Variants in ACSBG2 observed in about 807,000 individuals in gnomAD.
The protein encoded by ACSBG2 is long-chain-fatty-acid--CoA ligase ACSBG2.
In ACSBG2, 62 loss-of-function variants were observed where a neutral mutation model predicts 74.7. The observed-to-expected ratio is 0.83, with a 90% CI of 0.68 to 1.03. The LOEUF (loss-of-function observed/expected upper bound fraction) is 1.03. ACSBG2 is among the 50% of genes least tolerant of loss of function. The probability of loss-of-function intolerance (pLI) is 0.00; values close to 1 mark genes in which losing one functional copy is unlikely to be tolerated. For missense variants in ACSBG2, 730 were observed against 817.6 expected (o/e 0.89, Z 1.31); for synonymous variants, 309 against 294.1 (o/e 1.05, Z -0.52).
chr19:6,156,430 G>A lies in ACSBG2; in HGVS notation c.387-1G>A. The A allele has an allele frequency of 6.3e-7, 1 of 1,589,568 alleles. No homozygotes were observed. ...CACACGAATTTGTTTTCTTTTCCCAGGGGTCTTTGTGTTGGTATTTATGCC... is the reference window on the plus strand; with the variant it reads ...CACACGAATTTGTTTTCTTTTCCCAAGGGTCTTTGTGTTGGTATTTATGCC... On this transcript the variant is annotated splice_acceptor_variant, in intron 4 of 14. Coordinates refer to ENST00000588485, the MANE Select transcript of ACSBG2 (RefSeq NM_030924.5). LOFTEE classifies it high-confidence loss of function.
intron 6 of ACSBG2, among the ~76,000 whole-genome samples, chr19:6,163,680 G>C (rs566672090): frequency 7.9e-4 from 120 of 151,602 alleles, no homozygotes; most frequent in African/African-American, 2.8e-3. Context: ...GGCAGAGGTT[G>C]CAGTGAGCCA....
At chr19:6,142,344 C>T (rs376853420) in intron 2 of ACSBG2, among the ~76,000 whole-genome samples, 21 of 152,276 alleles carry the variant, frequency 1.4e-4, no homozygotes, top group South Asian at 8.3e-4. Context: ...ACATCATAGA[C>T]AGCTCTGATA....
intron 11 of ACSBG2, among the ~76,000 whole-genome samples, chr19:6,186,495 G>A (rs2090412226): frequency 6.6e-6 from 1 of 152,138 alleles, no homozygotes; most frequent in African/African-American, 2.4e-5. Context: ...AAAATCTGAT[G>A]GAGAACACTT....
At chr19:6,185,685 T>C in intron 11 of ACSBG2, 32 bp downstream of exon 11, 2 of 1,610,774 alleles carry the variant, frequency 1.2e-6, no homozygotes, top group Non-Finnish European at 1.7e-6. Context: ...GGGAATCTCC[T>C]GCAAGCAGGC....
chr19:6,161,227 A>T lies in ACSBG2; in HGVS notation c.520A>T (p.Ser174Cys). The T allele has an allele frequency of 6.2e-7, 1 of 1,613,672 alleles. No homozygotes were observed. The highest frequency in any genetic ancestry group is 8.5e-7 in the Non-Finnish European group (1 of 1,179,636). Residue 174 changes from serine to cysteine, a missense_variant, in exon 6 of 15, where the codon AGC becomes TGC. By Grantham distance (112) the Ser-to-Cys change is moderately radical (BLOSUM62 -1). Coordinates refer to ENST00000588485, the MANE Select transcript of ACSBG2 (RefSeq NM_030924.5). ...AACTTTCTTTCAGATTCCACAGAGC[A>T]GCCTAGAGCCCCTAAAAGCGATCAT... ...LQKILSIPQS[S>C]LEPLKAIIQY...
In ACSBG2 at chr19:6,156,558, C is replaced by T; in HGVS notation, c.507+7C>T. 1 of 1,558,258 alleles carries T rather than the reference C, an allele frequency of 6.4e-7. No individual in the cohort carries two copies. The highest frequency in any genetic ancestry group is 8.7e-7 in the Non-Finnish European group (1 of 1,150,190). ...GTTACAGAAAATCCTTTCGGTAAAC[C>T]CCTACCCAGCACTGCCTGCCAAAGT... is the stretch of plus-strand genomic sequence containing the variant. On this transcript the variant is annotated splice_region_variant and intron_variant, in intron 5 of 14. Coordinates refer to ENST00000588485, the MANE Select transcript of ACSBG2 (RefSeq NM_030924.5).
chr19:6,138,469 G>A (rs4807837), intron 1 of ACSBG2, among the ~76,000 whole-genome samples: 75,439 of 134,866 alleles, frequency 0.56, 22,414 homozygotes, highest in Admixed American at 0.66. Context: ...GAAGAGAGAG[G>A]GAGAGAGAGA....
chr19:6,151,731 G>T lies in ACSBG2; in HGVS notation c.322G>T (p.Val108Phe). 6.2e-7 allele frequency: 1 copy of T among 1,602,696 alleles called. No individual in the cohort carries two copies. The highest frequency in any genetic ancestry group is 8.5e-7 in the Non-Finnish European group (1 of 1,174,368). Residue 108 changes from valine (V) to phenylalanine (F), a missense_variant, in exon 4 of 15, where the codon GTT (valine) becomes TTT (phenylalanine). Physicochemically the swap from Val to Phe is conservative, Grantham distance 50. Coordinates refer to ENST00000588485, the MANE Select transcript of ACSBG2 (RefSeq NM_030924.5). ...IKLGLERFHG[V>F]GILGFNSAEW... ...GCTGGGTTTGGAGCGTTTCCACGGA[G>T]TTGGTATCCTGGGGTTTAACTCTGC...
At chr19:6,184,040 C>T (rs937219233) in intron 10 of ACSBG2, among the ~76,000 whole-genome samples, 1 of 152,288 alleles carries the variant, frequency 6.6e-6, no homozygotes, top group East Asian at 1.9e-4. Context: ...TGGACTCAAG[C>T]AATCCTCAGC....
chr19:6,175,460 T>C (rs952407614), intron 7 of ACSBG2: 2 of 152,238 alleles, frequency 1.3e-5, no homozygotes, highest in African/African-American at 4.8e-5. Context: ...TCAATGGCAC[T>C]TTCACCTTAG....
At position 6,149,897 on chromosome 19, in the gene ACSBG2, G is replaced by A. The variant is rs1486475365; in HGVS notation, c.298-1810G>A. The stretch of plus-strand genomic sequence containing the variant: ...GGCCTCAAGAGATCCACCTACCTCG[G>A]CCTCCCAAAGTGCTGGGATTACAGG... On this transcript the variant is annotated intron_variant, in intron 3 of 14. Coordinates refer to ENST00000588485, the MANE Select transcript of ACSBG2 (RefSeq NM_030924.5). 2.6e-5 allele frequency among the ~76,000 whole-genome samples: 4 copies of A among 151,096 alleles called. 1 individual carries two copies. The highest frequency in any genetic ancestry group is 9.8e-5 in the African/African-American group (4 of 40,798).
intron 7 of ACSBG2, among the ~76,000 whole-genome samples, chr19:6,176,827 CTTAA>C (rs2090100703): frequency 6.6e-6 from 1 of 152,074 alleles, no homozygotes; most frequent in Admixed American, 6.6e-5. Context: ...TAAGTGTTTA[CTTAA>C]TTAGTTTATT....
chr19:6,190,764 G>T, intron 14 of ACSBG2, 72 bp downstream of exon 14: 71 of 792,814 alleles, frequency 9.0e-5, no homozygotes, highest in East Asian at 1.8e-4. Flanking sequence ...TGTGTGGCAG[G>T]CAGATCTGTG....
intron 10 of ACSBG2, among the ~76,000 whole-genome samples, chr19:6,184,613 G>C (rs12985241): frequency 7.0e-6 from 1 of 143,474 alleles, no homozygotes; most frequent in East Asian, 2.0e-4. Context: ...GCTATCTCTA[G>C]GAAAAAAAAA....
Position 6,165,796 on chromosome 19 carries a change from G to A in ACSBG2, c.589-70G>A, listed in dbSNP as rs78767345. ...ATCATTCTTTAGGAAAAGCTGATAG[G>A]ACGAGGTCTGGCTGGGTGAGAGGAC... On this transcript the variant is annotated intron_variant, in intron 6 of 14. Coordinates refer to ENST00000588485, the MANE Select transcript of ACSBG2 (RefSeq NM_030924.5). 4,145 of 1,573,942 alleles carry A rather than the reference G, an allele frequency of 2.6e-3. 70 individuals are homozygous for A. The African/African-American group carries it at 0.046, about 17-fold the overall frequency.
At chr19:6,145,793 C>T (rs2089009662) in intron 2 of ACSBG2, among the ~76,000 whole-genome samples, 2 of 152,168 alleles carry the variant, frequency 1.3e-5, no homozygotes, top group African/African-American at 4.8e-5. Context: ...GGTGATGTCG[C>T]TGTGACAGGC....
At chr19:6,142,973 A>G (rs113302730) in intron 2 of ACSBG2, among the ~76,000 whole-genome samples, 5,474 of 152,096 alleles carry the variant, frequency 0.036, 201 homozygotes, top group African/African-American at 0.099. Flanking sequence ...TAGTTTCAGC[A>G]CTTTGGGAAG....
chr19:6,158,883 G>A (rs1303078687), intron 5 of ACSBG2, among the ~76,000 whole-genome samples: 2 of 152,072 alleles, frequency 1.3e-5, no homozygotes, highest in Non-Finnish European at 2.9e-5. Context: ...GGTTCAGGAA[G>A]GACAGACCTC....
At chr19:6,157,653 T>C (rs1026238185) in intron 5 of ACSBG2, among the ~76,000 whole-genome samples, 2 of 151,762 alleles carry the variant, frequency 1.3e-5, no homozygotes, top group African/African-American at 4.8e-5. Context: ...CTGGCCTCAA[T>C]TGATCTTCCT....
Sources: allele counts gnomAD v4.1 joint callset (sites outside exome capture counted in the v4.1 genomes callset), GRCh38; gene constraint gnomAD v4.1.1; transcripts MANE v1.5; gene names NCBI Gene and HGNC (gene_info 2026-07-23, HGNC 2026-07-21).